PTPRE: variants seen among roughly 807,000 people sequenced by gnomAD.
PTPRE encodes the protein receptor-type tyrosine-protein phosphatase epsilon.
A neutral mutation model predicts 102.0 loss-of-function variants in PTPRE; 51 were observed. That is an observed-to-expected ratio of 0.50 (90% confidence interval 0.40 to 0.63). The LOEUF is 0.63. PTPRE is among the 30% of genes least tolerant of loss of function. The probability of loss-of-function intolerance (pLI) is 0.00; values close to 1 mark genes in which losing one functional copy is unlikely to be tolerated. For missense variants in PTPRE, 752 were observed against 915.1 expected (o/e 0.82, Z 2.30); for synonymous variants, 345 against 348.2 (o/e 0.99, Z 0.10).
intron 1 of PTPRE, chr10:127,964,898 TG>T: frequency 4.8e-6 from 2 of 419,302 alleles, no homozygotes; most frequent in South Asian, 3.5e-5. Flanking sequence ...GTCGGCGTTC[TG>T]CTGCTGGAAG....
At position 128,070,020 on chromosome 10, in the gene PTPRE, C is replaced by T. The variant is rs959834285; in HGVS notation, c.1143+193C>T. ...GACTCCCTCGTCCTCATCTTTCCCT[C>T]GTATCCTCATGTGAGATGGGGCAAT... On this transcript the variant is annotated intron_variant, in intron 13 of 20. Transcript: ENST00000254667. The surrounding 1 kb of genome is among the most constrained non-coding windows in gnomAD (Gnocchi z 4.8). 1.8e-5 allele frequency: 15 copies of T among 814,022 alleles called. No homozygotes were observed. Among genetic ancestry groups the T allele is most frequent in the Admixed American group, 2.7e-5 (1 of 36,378 alleles). The allele number at this position is 814,022 out of a possible 1,614,324, so 50.4% of individuals were successfully genotyped here.
At chr10:127,954,234 A>G (rs527498501) in intron 1 of PTPRE, among the ~76,000 whole-genome samples, 3 of 152,258 alleles carry the variant, frequency 2.0e-5, no homozygotes, top group South Asian at 4.1e-4. Flanking sequence ...ACTTCTACTT[A>G]CCAATGCCAA....
chr10:128,024,594 C>T (rs924884008), intron 2 of PTPRE, among the ~76,000 whole-genome samples: 3 of 152,126 alleles, frequency 2.0e-5, no homozygotes, highest in South Asian at 4.1e-4. Flanking sequence ...GAAATTATCC[C>T]TTAACAGACT....
At chr10:127,957,086 C>T (rs1055378880) in intron 1 of PTPRE, among the ~76,000 whole-genome samples, 4 of 152,084 alleles carry the variant, frequency 2.6e-5, no homozygotes, top group African/African-American at 9.7e-5. Context: ...TTATGAGGTT[C>T]AATGTATCAA....
At chr10:127,998,045 G>A (rs973064786) in intron 2 of PTPRE, 1 of 152,212 alleles carries the variant, frequency 6.6e-6, no homozygotes, top group Non-Finnish European at 1.5e-5. Context: ...GCAATGGGAA[G>A]CAGTCGAACA....
At chr10:127,964,629 G>T in intron 1 of PTPRE, among the ~76,000 whole-genome samples, 1 of 150,340 alleles carries the variant, frequency 6.7e-6, no homozygotes, top group African/African-American at 2.5e-5. Context: ...ATTTACTTCT[G>T]TATTAATAAG....
chr10:128,013,513 G>A (rs1845178653), intron 2 of PTPRE, among the ~76,000 whole-genome samples: 1 of 152,164 alleles, frequency 6.6e-6, no homozygotes, highest in African/African-American at 2.4e-5. Flanking sequence ...CGGTCACATG[G>A]TAGACAGAGG....
Position 128,069,781 on chromosome 10 carries a change from T to C in PTPRE, c.1097T>C (p.Phe366Ser). ...GAGCAGAAGGTGGATGTGTTTGAAT[T>C]TGTGTCTCGAATCCGTAATCAGCGC... is the stretch of plus-strand genomic sequence containing the variant. The part of the protein sequence containing the change: ...HAEQKVDVFE[F>S]VSRIRNQRPQ... The change falls in exon 13 of 21, where the codon TTT becomes TCT. Residue 366 changes from phenylalanine to serine, a missense_variant. By Grantham distance (155) the Phe-to-Ser change is radical. Transcript: ENST00000254667. 1.2e-6 allele frequency: 2 copies of C among 1,614,204 alleles called. No homozygotes were observed. Among genetic ancestry groups the C allele is most frequent in the Non-Finnish European group, 1.7e-6 (2 of 1,180,036 alleles).
chr10:128,033,593 T>TTG (rs1279793068), intron 2 of PTPRE, among the ~76,000 whole-genome samples: 1 of 152,228 alleles, frequency 6.6e-6, no homozygotes, highest in Non-Finnish European at 1.5e-5. Context: ...AGCTCGGCAT[T>TTG]TGTAGTAAAT....
At chr10:127,999,584 G>T in intron 2 of PTPRE, 1 of 985,482 alleles carries the variant, frequency 1.0e-6, no homozygotes, top group Non-Finnish European at 1.2e-6. Context: ...CACGCAGGTT[G>T]CACTGTTCTC....
intron 2 of PTPRE, among the ~76,000 whole-genome samples, chr10:127,984,679 G>C (rs112313946): frequency 6.6e-6 from 1 of 152,108 alleles, no homozygotes; most frequent in East Asian, 1.9e-4. Flanking sequence ...TACTGTTCTC[G>C]TGGTAGTGAA....
chr10:127,989,734 A>G (rs541858768), intron 2 of PTPRE, among the ~76,000 whole-genome samples: 2 of 152,370 alleles, frequency 1.3e-5, no homozygotes, highest in Non-Finnish European at 2.9e-5. Context: ...AAATAAGAAC[A>G]TATCCTGTGG....
chr10:127,965,013 C>T (rs4751554), intron 1 of PTPRE: 102,722 of 455,486 alleles, frequency 0.23, 12,081 homozygotes, highest in South Asian at 0.28. Flanking sequence ...GAAGGCATTT[C>T]GGTTTTAAGC....
rs267602412 is a variant in PTPRE, at chr10:128,040,913, G to A, written c.32G>A (p.Gly11Asp). 1 of 1,614,014 alleles carries A rather than the reference G, an allele frequency of 6.2e-7. No homozygotes were observed. The highest frequency in any genetic ancestry group is 1.1e-5 in the South Asian group (1 of 91,060). Residue 11 changes from glycine to aspartate, a missense_variant, in exon 3 of 21, where the codon GGT becomes GAT. Transcript: ENST00000254667. MEPLCPLLLV[G>D]FSLPLARALR... ...CCCTTGTGTCCACTCCTGCTGGTGG[G>A]TTTTAGCTTGCCGCTCGCCAGGGCT... is the stretch of plus-strand genomic sequence containing the variant.
At position 128,070,531 on chromosome 10, in the gene PTPRE, C is replaced by A; in HGVS notation, c.1293+81C>A. ...AAAACAGGTGACCATTTAAAGGAAG[C>A]CTCTTTCAATCACTTGCCCCTTAAC... On this transcript the variant is annotated intron_variant, in intron 14 of 20. Coordinates refer to ENST00000254667, the MANE Select transcript of PTPRE (RefSeq NM_006504.6). The surrounding 1 kb of genome is among the most constrained non-coding windows in gnomAD (Gnocchi z 4.8). The A allele has an allele frequency of 1.3e-6, 2 of 1,512,950 alleles. No individual in the cohort carries two copies. Among genetic ancestry groups the A allele is most frequent in the Non-Finnish European group, 1.8e-6 (2 of 1,123,576 alleles). The allele number at this position is 1,512,950 out of a possible 1,614,324, so 93.7% of individuals were successfully genotyped here.
At chr10:127,931,081 G>A (rs530830217) in intron 1 of PTPRE, among the ~76,000 whole-genome samples, 16 of 152,050 alleles carry the variant, frequency 1.1e-4, no homozygotes, top group Non-Finnish European at 1.8e-4. Context: ...ATGAGCCACC[G>A]TGCCCGGCCC....
At chr10:128,079,802 G>C in intron 20 of PTPRE, 107 bp downstream of exon 20, 2 of 1,368,002 alleles carry the variant, frequency 1.5e-6, no homozygotes, top group Non-Finnish European at 2.0e-6. Flanking sequence ...AGGTGGGAAG[G>C]TAAAATTCCC....
chr10:127,977,446 A>G (rs1851264508), intron 1 of PTPRE, among the ~76,000 whole-genome samples: 1 of 152,212 alleles, frequency 6.6e-6, no homozygotes, highest in African/African-American at 2.4e-5. Flanking sequence ...CGTTTAAAAG[A>G]CTAGCTTGGA....
At chr10:127,969,517 A>T (rs982835823) in intron 1 of PTPRE, among the ~76,000 whole-genome samples, 39 of 152,072 alleles carry the variant, frequency 2.6e-4, no homozygotes, top group African/African-American at 9.4e-4. Flanking sequence ...AAAATACAAA[A>T]ATTAGCTGGG....
Sources: gnomAD v4.1 joint callset for allele counts (sites outside exome capture counted in the v4.1 genomes callset) on GRCh38, gnomAD v4.1.1 for gene constraint, Gnocchi (gnomAD v3.1) non-coding constraint, MANE v1.5 for transcripts, NCBI Gene and HGNC (gene_info 2026-07-23, HGNC 2026-07-21) for gene names.